RAPGEF5: variants seen among roughly 807,000 people sequenced by gnomAD.
RAPGEF5 encodes the protein Rap guanine nucleotide exchange factor 5.
Under a neutral mutation model 125.2 loss-of-function variants are expected in RAPGEF5, and 65 were observed. That is an observed-to-expected ratio of 0.52 (90% CI 0.43 to 0.64). The LOEUF is 0.64. RAPGEF5 is among the 30% of genes least tolerant of loss of function. The probability of loss-of-function intolerance (pLI) is 0.00; values close to 1 mark genes in which losing one functional copy is unlikely to be tolerated. For synonymous variants in RAPGEF5, 391 were observed against 385.9 expected, an observed-to-expected ratio of 1.01 and a Z score of -0.16; for missense variants, 958 against 1,048.1, an observed-to-expected ratio of 0.91 and a Z score of 1.19.
intron 14 of RAPGEF5, 134 bp downstream of exon 14, chr7:22,160,384 G>T: frequency 1.3e-6 from 1 of 771,350 alleles, no homozygotes; most frequent in Non-Finnish European, 2.0e-6. Context: ...TTTACTACTA[G>T]AAAAGCTAAG....
At chr7:22,196,881 A>G (rs1178015361) in intron 9 of RAPGEF5, among the ~76,000 whole-genome samples, 2 of 152,236 alleles carry the variant, frequency 1.3e-5, no homozygotes, top group Non-Finnish European at 2.9e-5. Flanking sequence ...AGACAAATTT[A>G]TGAATTATTT....
intron 11 of RAPGEF5, among the ~76,000 whole-genome samples, chr7:22,171,711 G>T (rs1784355532): frequency 6.6e-6 from 1 of 152,302 alleles, no homozygotes. Flanking sequence ...TGTTGGCCAG[G>T]CTGGTCTCAA....
At chr7:22,245,856 G>C (rs1419492885) in intron 7 of RAPGEF5, among the ~76,000 whole-genome samples, 1 of 152,052 alleles carries the variant, frequency 6.6e-6, no homozygotes, top group African/African-American at 2.4e-5. Context: ...AAGGCTCCTG[G>C]GACTGATAAG....
At chr7:22,202,869 C>T (rs1402749155) in intron 9 of RAPGEF5, 5 of 302,114 alleles carry the variant, frequency 1.7e-5, no homozygotes, top group South Asian at 1.3e-4. Flanking sequence ...ATAATCCCTA[C>T]CTTATAGACC....
At chr7:22,239,112 A>G (rs1408723664) in intron 7 of RAPGEF5, among the ~76,000 whole-genome samples, 1 of 152,156 alleles carries the variant, frequency 6.6e-6, no homozygotes, top group Non-Finnish European at 1.5e-5. Flanking sequence ...TGGGATTGCA[A>G]TGGAAGCTGG....
In RAPGEF5 at chr7:22,267,092, T is replaced by C. The variant is rs1182764214; in HGVS notation, c.748-80A>G. On this transcript the variant is annotated intron_variant, in intron 6 of 25. Transcript: ENST00000665637. ...AAAAGCAGTACTTTGTTCTTAGATATCCAACCCAAATTCAGAGCTGTTTCA... is the reference window on the plus strand; with the variant it reads ...AAAAGCAGTACTTTGTTCTTAGATACCCAACCCAAATTCAGAGCTGTTTCA... The C allele has an allele frequency of 9.0e-6, 12 of 1,337,466 alleles. No individual in the cohort carries two copies. The African/African-American group carries it at 1.6e-4, about 18-fold the overall frequency. 82.8% of individuals were successfully genotyped at this position (1,337,466 alleles called of 1,614,324 possible). A position where few individuals can be genotyped will look rare whatever the true frequency, so the allele number is the denominator to read the frequency against.
intron 7 of RAPGEF5, among the ~76,000 whole-genome samples, chr7:22,236,955 C>T (rs1486022046): frequency 6.6e-6 from 1 of 152,226 alleles, no homozygotes; most frequent in Non-Finnish European, 1.5e-5. Flanking sequence ...AGCCCTCAAC[C>T]TGGCCTCAAA....
intron 12 of RAPGEF5, among the ~76,000 whole-genome samples, chr7:22,165,313 A>C (rs528835258): frequency 6.6e-6 from 1 of 152,334 alleles, no homozygotes; most frequent in East Asian, 1.9e-4. Flanking sequence ...GATCATAGTT[A>C]AAGAATGTAG....
intron 7 of RAPGEF5, among the ~76,000 whole-genome samples, chr7:22,253,747 T>C (rs2128138843): frequency 6.6e-6 from 1 of 152,316 alleles, no homozygotes; most frequent in Non-Finnish European, 1.5e-5. Flanking sequence ...ACAATAATTA[T>C]ATTAAGCAAG....
intron 11 of RAPGEF5, among the ~76,000 whole-genome samples, chr7:22,181,401 T>C (rs1055776997): frequency 5.3e-5 from 8 of 152,186 alleles, no homozygotes; most frequent in Admixed American, 3.3e-4. Flanking sequence ...TAGGTAGCAA[T>C]ATCCAGCCAG....
intron 6 of RAPGEF5, among the ~76,000 whole-genome samples, chr7:22,283,636 C>T (rs1424184389): frequency 2.0e-5 from 3 of 152,172 alleles, no homozygotes; most frequent in East Asian, 3.8e-4. Context: ...TAACACTTCA[C>T]AAACCCATGA....
chr7:22,302,066 A>G (rs991587441), intron 5 of RAPGEF5, among the ~76,000 whole-genome samples: 8 of 152,220 alleles, frequency 5.3e-5, no homozygotes, highest in Non-Finnish European at 8.8e-5. Context: ...CGCTCCACAG[A>G]GTGCTGGTGA....
At position 22,143,864 on chromosome 7, in the gene RAPGEF5, C is replaced by T. The variant is rs1486505524; in HGVS notation, c.2186+1180G>A. On this transcript the variant is annotated intron_variant, in intron 20 of 25. Coordinates refer to ENST00000665637, the MANE Select transcript of RAPGEF5 (RefSeq NM_012294.5). ...TTACCCACTGACACACTGCACGCCT[C>T]ACAAAGGCAGGAACTGGTGTAGACT... 3.3e-5 allele frequency among the ~76,000 whole-genome samples: 5 copies of T among 152,360 alleles called. No individual in the cohort carries two copies. In the East Asian group the frequency reaches 5.8e-4, roughly 18 times the overall value.
intron 12 of RAPGEF5, among the ~76,000 whole-genome samples, chr7:22,166,866 T>G (rs551705761): frequency 6.6e-6 from 1 of 152,360 alleles, no homozygotes; most frequent in South Asian, 2.1e-4. Flanking sequence ...AGCCACAACA[T>G]AGAATGTGAA....
chr7:22,125,661 G>A lies in RAPGEF5; in HGVS notation c.2482-3C>T, dbSNP rs1346477089. 2 of 1,608,642 alleles carry A rather than the reference G, an allele frequency of 1.2e-6. No individual in the cohort carries two copies. Among genetic ancestry groups the A allele is most frequent in the Non-Finnish European group, 1.7e-6 (2 of 1,175,152 alleles). On this transcript the variant is annotated splice_polypyrimidine_tract_variant and splice_region_variant and intron_variant, in intron 24 of 25. Coordinates refer to ENST00000665637, the MANE Select transcript of RAPGEF5 (RefSeq NM_012294.5). ...CGGACAGTGTCTGCGATCATATGCT[G>A]TAAAGTAGAACAGGAAACACATCAA...
chr7:22,304,167 G>A (rs1330230401), intron 5 of RAPGEF5, among the ~76,000 whole-genome samples: 1 of 151,708 alleles, frequency 6.6e-6, no homozygotes, highest in Non-Finnish European at 1.5e-5. Flanking sequence ...GGCTTATGAT[G>A]GTAGTATTGA....
At chr7:22,126,655 C>T (rs1330075576) in intron 24 of RAPGEF5, among the ~76,000 whole-genome samples, 1 of 152,110 alleles carries the variant, frequency 6.6e-6, no homozygotes, top group East Asian at 1.9e-4. Context: ...GCTCTGTCAC[C>T]CAGGCTGGAG....
intron 7 of RAPGEF5, among the ~76,000 whole-genome samples, chr7:22,264,084 C>T (rs1480271331): frequency 6.6e-6 from 1 of 152,050 alleles, no homozygotes; most frequent in Non-Finnish European, 1.5e-5. Flanking sequence ...TTCCAATGTA[C>T]TGATATACCA....
intron 15 of RAPGEF5, among the ~76,000 whole-genome samples, chr7:22,157,308 G>A (rs1452635434): frequency 6.6e-6 from 1 of 152,152 alleles, no homozygotes; most frequent in African/African-American, 2.4e-5. Flanking sequence ...CTCTGCTGTA[G>A]TACAATGACT....
Sources: gnomAD v4.1 joint callset for allele counts (sites outside exome capture counted in the v4.1 genomes callset) on GRCh38, gnomAD v4.1.1 for gene constraint, MANE v1.5 for transcripts, NCBI Gene and HGNC (gene_info 2026-07-23, HGNC 2026-07-21) for gene names.